The following CREB5 variants were observed in gnomAD, a reference collection of about 807,000 sequenced individuals.
The protein encoded by CREB5 is cyclic AMP-responsive element-binding protein 5.
A neutral mutation model predicts 57.1 loss-of-function variants in CREB5; 19 were observed. The observed-to-expected ratio is 0.33, with a 90% confidence interval of 0.23 to 0.49. The LOEUF is 0.49. Ranked by LOEUF, CREB5 falls within the 20% of genes least tolerant of loss-of-function variation. The probability of loss-of-function intolerance (pLI) is 0.99; values close to 1 mark genes in which losing one functional copy is unlikely to be tolerated. For missense variants in CREB5, 579 were observed against 671.6 expected (o/e 0.86, Z 1.52); for synonymous variants, 238 against 238.3 (o/e 1.00, Z 0.01).
intron 7 of CREB5, among the ~76,000 whole-genome samples, chr7:28,760,071 A>G (rs887447960): frequency 1.3e-5 from 2 of 152,188 alleles, no homozygotes; most frequent in Non-Finnish European, 2.9e-5. Context: ...GCCAAGAGAA[A>G]GAATTTGGTT....
At chr7:28,654,257 C>T (rs1470310811) in intron 5 of CREB5, among the ~76,000 whole-genome samples, 2 of 152,206 alleles carry the variant, frequency 1.3e-5, no homozygotes, top group African/African-American at 4.8e-5. Context: ...CGCTCCCCCT[C>T]TTCTAGTTCT....
At chr7:28,808,906 C>A (rs1416702450) in intron 8 of CREB5, among the ~76,000 whole-genome samples, 2 of 152,034 alleles carry the variant, frequency 1.3e-5, no homozygotes, top group Non-Finnish European at 2.9e-5. Context: ...TACCATGATT[C>A]GGCCAAATGC....
intron 1 of CREB5, among the ~76,000 whole-genome samples, chr7:28,424,408 G>A (rs1788409305): frequency 6.6e-6 from 1 of 152,152 alleles, no homozygotes; most frequent in Non-Finnish European, 1.5e-5. Context: ...ACTTTTTTTA[G>A]CACATGCTGA....
intron 8 of CREB5, among the ~76,000 whole-genome samples, chr7:28,807,742 T>C (rs920549402): frequency 6.6e-6 from 1 of 152,206 alleles, no homozygotes. Flanking sequence ...TAAAACAACT[T>C]TATAGGTATT....
intron 5 of CREB5, among the ~76,000 whole-genome samples, chr7:28,622,154 A>C (rs1157974662): frequency 6.6e-6 from 1 of 152,114 alleles, no homozygotes; most frequent in African/African-American, 2.4e-5. Flanking sequence ...CTACTCAACA[A>C]TTAACGTGTT....
chr7:28,408,768 A>C (rs77793954), upstream of CREB5, among the ~76,000 whole-genome samples: 1,983 of 152,058 alleles, frequency 0.013, 45 homozygotes, highest in African/African-American at 0.046. Flanking sequence ...AGGTGAGATG[A>C]GGGGGCGGTG....
intron 7 of CREB5, among the ~76,000 whole-genome samples, chr7:28,764,258 T>C (rs562187850): frequency 2.6e-5 from 4 of 152,220 alleles, no homozygotes; most frequent in African/African-American, 9.6e-5. Flanking sequence ...TTTTTTAAAT[T>C]TCAAGCAAAA....
chr7:28,799,228 C>A (rs1011284750), intron 7 of CREB5, among the ~76,000 whole-genome samples: 3 of 152,190 alleles, frequency 2.0e-5, no homozygotes, highest in Admixed American at 6.5e-5. Flanking sequence ...AGAGGGTAGA[C>A]TCAACCCAGA....
At chr7:28,635,392 G>C (rs978904809) in intron 5 of CREB5, among the ~76,000 whole-genome samples, 6 of 152,208 alleles carry the variant, frequency 3.9e-5, no homozygotes, top group African/African-American at 1.4e-4. Context: ...TTCTAGAGGA[G>C]GTGGTAGTGG....
chr7:28,684,666 T>A (rs911966902), intron 5 of CREB5, among the ~76,000 whole-genome samples: 4 of 152,188 alleles, frequency 2.6e-5, no homozygotes, highest in African/African-American at 4.8e-5. Flanking sequence ...GTTTGTCTTA[T>A]CTACCTGATT....
chr7:28,670,969 T>C (rs1225593976), intron 5 of CREB5, among the ~76,000 whole-genome samples: 8 of 152,136 alleles, frequency 5.3e-5, no homozygotes, highest in African/African-American at 9.7e-5. Flanking sequence ...GATAATGGAC[T>C]GTTGCAGAAA....
At chr7:28,507,180 T>C (rs1338703029) in intron 3 of CREB5, among the ~76,000 whole-genome samples, 4 of 152,236 alleles carry the variant, frequency 2.6e-5, no homozygotes, top group African/African-American at 7.2e-5. Context: ...ATTTGCAAAA[T>C]CCTTTTTCTT....
intron 1 of CREB5, among the ~76,000 whole-genome samples, chr7:28,460,547 A>C (rs1790308415): frequency 6.6e-6 from 1 of 152,178 alleles, no homozygotes; most frequent in South Asian, 2.1e-4. Context: ...TTTGCCTTCC[A>C]ATGGCTTTCA....
At chr7:28,550,304 A>C (rs571943736) in intron 4 of CREB5, among the ~76,000 whole-genome samples, 1 of 152,120 alleles carries the variant, frequency 6.6e-6, no homozygotes, top group Non-Finnish European at 1.5e-5. Flanking sequence ...TAAACACTAA[A>C]CACCAAGCCT....
intron 7 of CREB5, among the ~76,000 whole-genome samples, chr7:28,801,814 T>A (rs1808380496): frequency 6.6e-6 from 1 of 151,872 alleles, no homozygotes; most frequent in Non-Finnish European, 1.5e-5. Flanking sequence ...TGGCCGGGTG[T>A]GGTGGCTCAC....
chr7:28,326,154 TATC>T, intron 1 of CREB5, among the ~76,000 whole-genome samples: 1 of 5,120 alleles, frequency 2.0e-4, no homozygotes, highest in African/African-American at 7.3e-4. Context: ...ACACACACAT[TATC>T]TATCTATCTA....
In CREB5 at chr7:28,819,272, T is replaced by A. The variant is rs113953895; in HGVS notation, c.1520T>A (p.Ile507Asn). ...ACTCACAGAACAGACCTGAATCCGATTCTTTAAAATGCACCATCAGACCTG... is the reference window on the plus strand; with the variant it reads ...ACTCACAGAACAGACCTGAATCCGAATCTTTAAAATGCACCATCAGACCTG... ...LTTHRTDLNP[I>N]L Residue 507 changes from isoleucine to asparagine, a missense_variant, in exon 11 of 11, where the codon ATT becomes AAT. Physicochemically the swap from Ile to Asn is moderately radical, Grantham distance 149. Around this residue, in one of 3 missense-constraint regions of CREB5, gnomAD observed 114 missense variants for 130.8 expected, o/e 0.87. Transcript: ENST00000357727. 9.3e-6 allele frequency: 15 copies of A among 1,612,988 alleles called. No individual in the cohort carries two copies. In the African/African-American group the frequency reaches 1.2e-4, roughly 13 times the overall value.
chr7:28,662,436 T>C (rs1799645932), intron 5 of CREB5, among the ~76,000 whole-genome samples: 1 of 152,204 alleles, frequency 6.6e-6, no homozygotes, highest in South Asian at 2.1e-4. Context: ...AAGTGCGCTC[T>C]CGTGCTTGCC....
intron 7 of CREB5, among the ~76,000 whole-genome samples, chr7:28,760,492 T>A (rs994397568): frequency 3.9e-5 from 6 of 152,224 alleles, no homozygotes; most frequent in African/African-American, 1.2e-4. Context: ...TGCCTCCGCA[T>A]GTTTGTGTTC....
Sources: allele counts gnomAD v4.1 joint callset (sites outside exome capture counted in the v4.1 genomes callset), GRCh38; gene constraint gnomAD v4.1.1; regional missense constraint gnomAD v4.1.1; transcripts MANE v1.5; gene names NCBI Gene and HGNC (gene_info 2026-07-23, HGNC 2026-07-21).